The following METTL9 variants were observed in gnomAD, a reference collection of about 807,000 sequenced individuals.
METTL9 encodes the protein methyltransferase 9, His-X-His N1(pi)-histidine, also known as protein-L-histidine N-pros-methyltransferase.
In METTL9, 10 loss-of-function variants were observed where a neutral mutation model predicts 36.0. That is an observed-to-expected ratio of 0.28 (90% CI 0.17 to 0.47). METTL9 has a LOEUF of 0.47. METTL9 is among the 20% of genes least tolerant of loss of function. METTL9 has a pLI of 0.99. For missense variants in METTL9, 246 were observed against 383.5 expected (o/e 0.64, Z 3.00); for synonymous variants, 175 against 149.7 (o/e 1.17, Z -1.23).
At chr16:21,615,895 C>T (rs906718960) in intron 2 of METTL9, among the ~76,000 whole-genome samples, 5 of 152,102 alleles carry the variant, frequency 3.3e-5, no homozygotes, top group Admixed American at 6.5e-5. Context: ...TTTTATGAGA[C>T]GTGATTTTCT....
intron 4 of METTL9, chr16:21,654,240 T>C (rs925850626): frequency 6.6e-6 from 1 of 152,064 alleles, no homozygotes; most frequent in Admixed American, 6.6e-5. Context: ...AGAGACGGGG[T>C]TTCACTGTGT....
chr16:21,647,409 A>G (rs1966459318), intron 4 of METTL9: 1 of 1,614,030 alleles, frequency 6.2e-7, no homozygotes, highest in Non-Finnish European at 8.5e-7. Flanking sequence ...GAGAAGGTAC[A>G]CTTTATGGTG....
At chr16:21,650,593 A>T (rs1567349095) in intron 4 of METTL9, among the ~76,000 whole-genome samples, 2 of 151,822 alleles carry the variant, frequency 1.3e-5, no homozygotes, top group Non-Finnish European at 2.9e-5. Context: ...GTAGTATAGG[A>T]TAAAAACAGG....
intron 4 of METTL9, among the ~76,000 whole-genome samples, chr16:21,633,308 A>G (rs993972102): frequency 2.0e-5 from 3 of 152,206 alleles, no homozygotes; most frequent in Non-Finnish European, 4.4e-5. Context: ...AGAACGTTCA[A>G]GAGATCTAGA....
intron 2 of METTL9, 146 bp downstream of exon 2, chr16:21,612,981 G>A (rs1352806181): frequency 3.5e-5 from 24 of 676,820 alleles, no homozygotes; most frequent in Non-Finnish European, 4.5e-5. Context: ...TTGGTCCAGC[G>A]TTCTATCTTT....
upstream of METTL9, among the ~76,000 whole-genome samples, chr16:21,597,574 A>G (rs1443115336): frequency 6.6e-6 from 1 of 152,148 alleles, no homozygotes; most frequent in Non-Finnish European, 1.5e-5. Flanking sequence ...TGTTCATCTG[A>G]TAACATTTTG....
chr16:21,638,092 C>A (rs1179279318), intron 4 of METTL9, among the ~76,000 whole-genome samples: 4 of 152,140 alleles, frequency 2.6e-5, no homozygotes, highest in African/African-American at 9.7e-5. Context: ...CCAAGGTGGG[C>A]AGATCACCTG....
intron 1 of METTL9, among the ~76,000 whole-genome samples, chr16:21,606,182 A>G (rs1965281967): frequency 6.6e-6 from 1 of 151,876 alleles, no homozygotes; most frequent in Admixed American, 6.6e-5. Context: ...TAAAAATACA[A>G]AAAAATTAGC....
In METTL9 at chr16:21,599,713, A is replaced by G. The variant is rs1965051096; in HGVS notation, c.-21A>G. 3.4e-6 allele frequency: 5 copies of G among 1,476,846 alleles called. No homozygotes were observed. The highest frequency in any genetic ancestry group is 4.5e-6 in the Non-Finnish European group (5 of 1,119,144). 91.5% of individuals were successfully genotyped at this position (1,476,846 alleles called of 1,614,324 possible). On this transcript the variant is annotated 5_prime_UTR_variant, in exon 1 of 5. Coordinates refer to ENST00000358154, the MANE Select transcript of METTL9 (RefSeq NM_016025.5). This position sits in a 1 kb window ranked among gnomAD's most constrained non-coding sequence, Gnocchi z 4.4. ...TCGCCCCGGCGCCGGCGGTGATCCGAGCGAGCGGCCGCGGCCCCCGATGAG... is the reference window on the plus strand; with the variant it reads ...TCGCCCCGGCGCCGGCGGTGATCCGGGCGAGCGGCCGCGGCCCCCGATGAG...
chr16:21,598,176 C>T (rs963264396), upstream of METTL9, among the ~76,000 whole-genome samples: 8 of 152,170 alleles, frequency 5.3e-5, no homozygotes, highest in Admixed American at 2.0e-4. Context: ...TGGTGAAATC[C>T]CGTCTCTACG....
chr16:21,599,426 A>G (rs1965033569), upstream of METTL9: 1 of 1,113,966 alleles, frequency 9.0e-7, no homozygotes, highest in Admixed American at 5.2e-5. The surrounding 1 kb of genome is among the most constrained non-coding windows in gnomAD (Gnocchi z 4.4). Context: ...CCCGCCTCCC[A>G]GCGGCCCGCT....
intron 1 of METTL9, among the ~76,000 whole-genome samples, chr16:21,601,419 C>G (rs1236777759): frequency 6.6e-6 from 1 of 152,100 alleles, no homozygotes; most frequent in South Asian, 2.1e-4. Flanking sequence ...CGATTTATCT[C>G]CATTGATGGG....
rs1001206861 is a variant in METTL9, at chr16:21,624,840, CAAAGTT to C, written c.567-86_567-81del. ...AAGATTTTGAACTTAATTTAGAAGA[CAAAGTT>C]AAAGCCTTTATTGTCATCTCAGTTA... On this transcript the variant is annotated intron_variant, in intron 3 of 4. Transcript: ENST00000358154. The C allele has an allele frequency of 8.8e-6, 10 of 1,141,424 alleles. No homozygotes were observed. In the African/African-American group the frequency reaches 9.3e-5, roughly 11 times the overall value. 70.7% of individuals were successfully genotyped at this position (1,141,424 alleles called of 1,614,324 possible).
At chr16:21,623,414 TC>T (rs1367083776) in intron 3 of METTL9, among the ~76,000 whole-genome samples, 1 of 152,224 alleles carries the variant, frequency 6.6e-6, no homozygotes. Flanking sequence ...TTCTGAGCTA[TC>T]TTACTGTATC....
intron 1 of METTL9, among the ~76,000 whole-genome samples, chr16:21,605,248 GC>G (rs1204489952): frequency 2.1e-5 from 2 of 94,938 alleles, no homozygotes; most frequent in Non-Finnish European, 4.5e-5. Context: ...GTAAAAATAG[GC>G]TTGCCTTCTT....
chr16:21,645,666 A>C (rs552192571), intron 4 of METTL9, among the ~76,000 whole-genome samples: 1 of 152,266 alleles, frequency 6.6e-6, no homozygotes, highest in African/African-American at 2.4e-5. Flanking sequence ...CTTTCACTTC[A>C]CTTTATATAA....
At chr16:21,650,964 C>T (rs1030640071) in intron 4 of METTL9, among the ~76,000 whole-genome samples, 3 of 152,218 alleles carry the variant, frequency 2.0e-5, no homozygotes, top group Admixed American at 2.0e-4. Flanking sequence ...TGGCTCATGC[C>T]TGTAATCCCA....
chr16:21,628,335 T>G (rs1965859725), intron 4 of METTL9, among the ~76,000 whole-genome samples: 1 of 152,184 alleles, frequency 6.6e-6, no homozygotes, highest in African/African-American at 2.4e-5. Flanking sequence ...TGGCAAACAC[T>G]GCAAATAGCC....
At chr16:21,634,091 A>G (rs1966027321) in intron 4 of METTL9, among the ~76,000 whole-genome samples, 1 of 152,174 alleles carries the variant, frequency 6.6e-6, no homozygotes. Context: ...CAAAGTTTCC[A>G]ATTACAACTG....
Sources: gnomAD v4.1 joint callset for allele counts (sites outside exome capture counted in the v4.1 genomes callset) on GRCh38, gnomAD v4.1.1 for gene constraint, Gnocchi (gnomAD v3.1) non-coding constraint, MANE v1.5 for transcripts, NCBI Gene and HGNC (gene_info 2026-07-23, HGNC 2026-07-21) for gene names.